The following SP140 variants were observed in gnomAD, a reference collection of about 807,000 sequenced individuals.
SP140 encodes the protein SP140 nuclear body protein, also known as nuclear body protein SP140.
Under a neutral mutation model 125.0 loss-of-function variants are expected in SP140, and 81 were observed. The observed-to-expected ratio is 0.65, with a 90% CI of 0.54 to 0.78. SP140 has a LOEUF of 0.78. SP140 is among the 30% of genes least tolerant of loss of function. SP140 has a pLI of 0.00. For synonymous variants in SP140, 312 were observed against 354.0 expected, an observed-to-expected ratio of 0.88 and a Z score of 1.33; for missense variants, 858 against 1,037.0, an observed-to-expected ratio of 0.83 and a Z score of 2.37.
downstream of SP140, among the ~76,000 whole-genome samples, chr2:230,313,497 G>A (rs140986192): frequency 8.4e-3 from 1,277 of 152,312 alleles, 11 homozygotes; most frequent in Non-Finnish European, 0.011. Flanking sequence ...AAGGTATGGT[G>A]TGCGGCTACT....
At chr2:230,189,385 T>C in the SP140 span, among the ~76,000 whole-genome samples, 1 of 152,300 alleles carries the variant, frequency 6.6e-6, no homozygotes, top group Non-Finnish European at 1.5e-5. Context: ...TTTATGTCAC[T>C]GTTACCATTC....
chr2:230,230,025 C>G (rs1241175167), intron 1 of SP140, among the ~76,000 whole-genome samples: 1 of 151,842 alleles, frequency 6.6e-6, no homozygotes, highest in Non-Finnish European at 1.5e-5. Flanking sequence ...AATTGCCAAA[C>G]TAGACTCTTC....
chr2:230,199,801 G>A (rs1235747737), upstream of SP140, among the ~76,000 whole-genome samples: 1 of 152,040 alleles, frequency 6.6e-6, no homozygotes, highest in Non-Finnish European at 1.5e-5. Flanking sequence ...TTTTGAATAA[G>A]CAGTTTTCTA....
In SP140 at chr2:230,238,366, A is replaced by G. The variant is rs765953016; in HGVS notation, c.391A>G (p.Arg131Gly). 1.4e-5 allele frequency: 23 copies of G among 1,610,444 alleles called. No homozygotes were observed. Among genetic ancestry groups the G allele is most frequent in the Non-Finnish European group, 2.5e-6 (3 of 1,179,196 alleles). ...CTATCCTGATTTAAACGAGATTTAC[A>G]GAAGCTTCCAGAATGGTAACTATAG... ...MAYPDLNEIY[R>G]SFQNVCYEHS... is the part of the protein sequence containing the mutation. The change falls in exon 3 of 27, where the codon AGA (arginine) becomes GGA (glycine). Residue 131 changes from arginine to glycine, a missense_variant. This residue lies in a region of SP140 where 791 missense variants were observed against 869.5 expected (regional missense o/e 0.91). Transcript: ENST00000392045.
At chr2:230,236,097 G>A (rs1184718442) in intron 1 of SP140, among the ~76,000 whole-genome samples, 3 of 151,988 alleles carry the variant, frequency 2.0e-5, no homozygotes, top group African/African-American at 7.3e-5. Context: ...GGATGGTCTC[G>A]ATCTCCTGAC....
chr2:230,241,987 G>A (rs1448142766), intron 4 of SP140, among the ~76,000 whole-genome samples: 2 of 152,094 alleles, frequency 1.3e-5, no homozygotes, highest in African/African-American at 4.8e-5. Context: ...GGAGAGAGAG[G>A]GGAGCCTGAA....
the SP140 span, among the ~76,000 whole-genome samples, chr2:230,195,605 C>T: frequency 1.3e-5 from 2 of 152,116 alleles, no homozygotes; most frequent in Non-Finnish European, 2.9e-5. Context: ...GCTGGGATTA[C>T]AGGCATGAGC....
At chr2:230,312,060 T>C (rs1013296452) in intron 26 of SP140, among the ~76,000 whole-genome samples, 13 of 152,224 alleles carry the variant, frequency 8.5e-5, no homozygotes, top group Non-Finnish European at 1.9e-4. Context: ...CCTTATACCC[T>C]TCCACTATCT....
At chr2:230,186,720 T>C in the SP140 span, among the ~76,000 whole-genome samples, 3 of 152,210 alleles carry the variant, frequency 2.0e-5, no homozygotes, top group Admixed American at 2.0e-4. Flanking sequence ...TGAGTACTAA[T>C]ATCTTAGCTC....
downstream of SP140, among the ~76,000 whole-genome samples, chr2:230,314,303 C>T (rs757489069): frequency 6.6e-6 from 1 of 152,062 alleles, no homozygotes; most frequent in Non-Finnish European, 1.5e-5. Context: ...AGAGACCGCT[C>T]AGGACAATGC....
At chr2:230,195,371 G>A in the SP140 span, among the ~76,000 whole-genome samples, 1 of 152,172 alleles carries the variant, frequency 6.6e-6, no homozygotes, top group South Asian at 2.1e-4. Context: ...GTCTTGTTCT[G>A]TTATGCAGGC....
chr2:230,261,559 TC>T (rs2052248849), intron 12 of SP140, among the ~76,000 whole-genome samples: 1 of 152,176 alleles, frequency 6.6e-6, no homozygotes, highest in Non-Finnish European at 1.5e-5. Flanking sequence ...TTTCAACATT[TC>T]CCCATTCAGT....
chr2:230,243,378 C>T (rs1397945409), intron 4 of SP140, among the ~76,000 whole-genome samples: 1 of 152,056 alleles, frequency 6.6e-6, no homozygotes, highest in African/African-American at 2.4e-5. Context: ...AAAAAATTTG[C>T]AGGAGCAGAG....
At chr2:230,228,967 T>C (rs2046854251) in intron 1 of SP140, among the ~76,000 whole-genome samples, 1 of 152,184 alleles carries the variant, frequency 6.6e-6, no homozygotes, top group Admixed American at 6.5e-5. Context: ...TTTTATCTTT[T>C]CTTCCTTTTT....
At chr2:230,204,278 C>T (rs1359940836) in intron 1 of SP140, among the ~76,000 whole-genome samples, 1 of 152,108 alleles carries the variant, frequency 6.6e-6, no homozygotes, top group Non-Finnish European at 1.5e-5. Context: ...CTTCTCTGAC[C>T]AGGGAGTGTT....
chr2:230,297,513 C>T, intron 22 of SP140, 51 bp downstream of exon 22: 1 of 1,592,838 alleles, frequency 6.3e-7, no homozygotes, highest in Non-Finnish European at 8.6e-7. Context: ...CTCCTTTCTC[C>T]AGGCATATGT....
rs56246923 is a variant in SP140, at chr2:230,245,782, G to T, written c.665-81G>T. The T allele has an allele frequency of 6.6e-3, 6,004 of 905,928 alleles. 229 individuals are homozygous for T. The African/African-American group carries it at 0.088, about 13-fold the overall frequency. 56.1% of individuals were successfully genotyped at this position (905,928 alleles called of 1,614,324 possible). The stretch of plus-strand genomic sequence containing the variant: ...ATTCCCAGGGAGCAGTTCTACACCC[G>T]AATATTAGAGCTCAGCATGGATCCA... On this transcript the variant is annotated intron_variant, in intron 6 of 26. Transcript: ENST00000392045.
chr2:230,261,220 A>G (rs963592273), intron 12 of SP140, among the ~76,000 whole-genome samples: 1 of 151,980 alleles, frequency 6.6e-6, no homozygotes, highest in Non-Finnish European at 1.5e-5. Context: ...AGCTATTGTA[A>G]AAGGGGTTGA....
At chr2:230,208,002 C>CT (rs774290827) in intron 1 of SP140, 10 of 1,550,946 alleles carry the variant, frequency 6.4e-6, no homozygotes, top group East Asian at 2.2e-5. Flanking sequence ...TCCTGGGAGG[C>CT]TTTTTTTCTT....
Sources: gnomAD v4.1 joint callset for allele counts (sites outside exome capture counted in the v4.1 genomes callset) on GRCh38, gnomAD v4.1.1 for gene constraint, gnomAD v4.1.1 regional missense constraint, MANE v1.5 for transcripts, NCBI Gene and HGNC (gene_info 2026-07-23, HGNC 2026-07-21) for gene names.